EYS: variants seen among roughly 807,000 people sequenced by gnomAD.
The protein encoded by EYS is protein eyes shut homolog.
In EYS, 250 loss-of-function variants were observed where a neutral mutation model predicts 282.1. The observed-to-expected ratio is 0.89, with a 90% confidence interval of 0.80 to 0.98. The LOEUF (loss-of-function observed/expected upper bound fraction) is 0.98. Ranked by LOEUF, EYS falls within the 50% of genes least tolerant of loss-of-function variation. The pLI, the probability that EYS is intolerant of heterozygous loss-of-function variation, is 0.00. For missense variants in EYS, 4,016 were observed against 3,709.0 expected, an observed-to-expected ratio of 1.08 and a Z score of -2.15; for synonymous variants, 1,355 against 1,282.9, an observed-to-expected ratio of 1.06 and a Z score of -1.20.
chr6:65,195,606 T>A (rs1260137099), intron 12 of EYS, among the ~76,000 whole-genome samples: 1 of 151,966 alleles, frequency 6.6e-6, no homozygotes. Flanking sequence ...AGAACATTAT[T>A]CTTACTAGAT....
chr6:65,399,741 A>G (rs1766421533), intron 7 of EYS, among the ~76,000 whole-genome samples: 1 of 150,966 alleles, frequency 6.6e-6, no homozygotes, highest in Non-Finnish European at 1.5e-5. Flanking sequence ...ATCCTAACTC[A>G]AACAGACTAA....
intron 12 of EYS, among the ~76,000 whole-genome samples, chr6:65,068,900 T>C (rs762734345): frequency 3.9e-5 from 6 of 152,070 alleles, no homozygotes; most frequent in Non-Finnish European, 8.8e-5. Context: ...TACCTTAGTA[T>C]ACTTTTAAAT....
rs1484912447 is a variant in EYS at position 64,590,585 on chromosome 6, T to A, written c.5282A>T (p.Tyr1761Phe). 7 of 1,551,206 alleles carry A rather than the reference T, an allele frequency of 4.5e-6. No individual in the cohort carries two copies. Among genetic ancestry groups the A allele is most frequent in the Non-Finnish European group, 6.1e-6 (7 of 1,146,756 alleles). The change falls in exon 26 of 43, where the codon TAT becomes TTT. Residue 1761 changes from tyrosine (Y) to phenylalanine (F), a missense_variant. Tyr to Phe is a conservative substitution (Grantham distance 22). Transcript: ENST00000503581. ...GTCATTTGCATGTGTAATTTCTGAA[T>A]ATGTCTTTAAAGTAACATCCGGATA... ...QIYPDVTLKT[Y>F]SEITHANDFK...
intron 15 of EYS, among the ~76,000 whole-genome samples, chr6:64,942,116 A>G (rs1361873024): frequency 6.6e-6 from 1 of 152,096 alleles, no homozygotes; most frequent in Non-Finnish European, 1.5e-5. Context: ...CCTTATCAGC[A>G]TCTGTTGGTT....
At chr6:64,740,831 A>G (rs1341981866) in intron 22 of EYS, among the ~76,000 whole-genome samples, 1 of 151,252 alleles carries the variant, frequency 6.6e-6, no homozygotes, top group Non-Finnish European at 1.5e-5. Context: ...CTCCTGCCTC[A>G]GCCTCCTGAG....
intron 29 of EYS, among the ~76,000 whole-genome samples, chr6:64,347,835 T>C (rs1317446364): frequency 6.6e-6 from 1 of 151,388 alleles, no homozygotes; most frequent in Non-Finnish European, 1.5e-5. Context: ...ATCTTCTTTA[T>C]AGCACTTCTC....
At chr6:64,117,707 T>C (rs1352140704) in intron 31 of EYS, among the ~76,000 whole-genome samples, 2 of 151,616 alleles carry the variant, frequency 1.3e-5, no homozygotes, top group African/African-American at 2.4e-5. Context: ...GCCAGAGCAA[T>C]TGCACAAGAG....
At chr6:64,933,490 C>G (rs1768798358) in intron 15 of EYS, among the ~76,000 whole-genome samples, 1 of 152,084 alleles carries the variant, frequency 6.6e-6, no homozygotes, top group Non-Finnish European at 1.5e-5. Context: ...ACAACAGATG[C>G]TGGAGAGGAT....
intron 1 of EYS, among the ~76,000 whole-genome samples, chr6:65,664,261 T>C (rs916811423): frequency 2.6e-5 from 4 of 151,962 alleles, no homozygotes; most frequent in Non-Finnish European, 4.4e-5. Flanking sequence ...AAACGTTCAG[T>C]CTCAAATGGT....
At chr6:65,371,359 C>T (rs2150341751) in intron 8 of EYS, among the ~76,000 whole-genome samples, 1 of 151,628 alleles carries the variant, frequency 6.6e-6, no homozygotes, top group Non-Finnish European at 1.5e-5. Flanking sequence ...GTGGAGGTCC[C>T]TAGTACCAAC....
chr6:65,238,721 C>T lies in EYS; in HGVS notation c.2023+57142G>A, dbSNP rs966709985. On this transcript the variant is annotated intron_variant, in intron 12 of 42. Transcript: ENST00000503581. The stretch of plus-strand genomic sequence containing the variant: ...AAGAAAATTAAAATTCAGAGCAAAA[C>T]CTTTCCATATATTGCTGGTTTTAAA... Among the ~76,000 whole-genome samples, 3 of 151,854 alleles carry T rather than the reference C, an allele frequency of 2.0e-5. No homozygotes were observed. In the South Asian group the frequency reaches 6.2e-4, roughly 31 times the overall value.
intron 33 of EYS, among the ~76,000 whole-genome samples, chr6:64,010,837 A>G (rs1768586216): frequency 6.6e-6 from 1 of 152,162 alleles, no homozygotes; most frequent in South Asian, 2.1e-4. Flanking sequence ...CCATTCACAG[A>G]GCTGACAGAC....
chr6:64,698,269 G>A (rs1338881849), intron 22 of EYS, among the ~76,000 whole-genome samples: 2 of 151,796 alleles, frequency 1.3e-5, no homozygotes, highest in African/African-American at 4.8e-5. Context: ...TTACCTCAAT[G>A]AACTAAAAAA....
At chr6:65,584,549 T>G (rs1204369848) in intron 2 of EYS, among the ~76,000 whole-genome samples, 3 of 151,984 alleles carry the variant, frequency 2.0e-5, no homozygotes, top group African/African-American at 7.2e-5. Context: ...ATTTGAAGAA[T>G]TAGTAACTTT....
At position 64,867,264 on chromosome 6, in the gene EYS, T is replaced by C. The variant is rs534300414; in HGVS notation, c.2992+19433A>G. 4.6e-5 allele frequency among the ~76,000 whole-genome samples: 7 copies of C among 151,904 alleles called. 1 individual carries two copies. Among genetic ancestry groups the C allele is most frequent in the African/African-American group, 1.7e-4 (7 of 41,542 alleles). On this transcript the variant is annotated intron_variant, in intron 19 of 42. Coordinates refer to ENST00000503581, the MANE Select transcript of EYS (RefSeq NM_001142800.2). The stretch of plus-strand genomic sequence containing the variant: ...ATTTTAGTTTTCTACAGATGAATTA[T>C]GTTTCAGAAAATGCCAAACCTGAAT...
At chr6:63,879,747 G>T (rs1773077801) in intron 35 of EYS, among the ~76,000 whole-genome samples, 1 of 152,132 alleles carries the variant, frequency 6.6e-6, no homozygotes, top group Non-Finnish European at 1.5e-5. Flanking sequence ...AAGTATTTCA[G>T]CTCGTTTCCA....
At chr6:64,467,694 T>C (rs560455455) in intron 26 of EYS, among the ~76,000 whole-genome samples, 1 of 152,190 alleles carries the variant, frequency 6.6e-6, no homozygotes, top group South Asian at 2.1e-4. Flanking sequence ...CTTGTGTACA[T>C]TACTGGGGAC....
intron 15 of EYS, among the ~76,000 whole-genome samples, chr6:64,919,589 CA>C (rs1392831702): frequency 2.0e-5 from 3 of 151,778 alleles, no homozygotes; most frequent in Non-Finnish European, 2.9e-5. Flanking sequence ...TATTTATACA[CA>C]TAATTTATAA....
chr6:64,554,104 TA>T (rs1208807026), intron 26 of EYS, among the ~76,000 whole-genome samples: 2 of 152,160 alleles, frequency 1.3e-5, no homozygotes, highest in African/African-American at 2.4e-5. Context: ...AGGTTCAATT[TA>T]ATTATCATAT....
Sources: gnomAD v4.1 joint callset for allele counts (sites outside exome capture counted in the v4.1 genomes callset) on GRCh38, gnomAD v4.1.1 for gene constraint, MANE v1.5 for transcripts, NCBI Gene and HGNC (gene_info 2026-07-23, HGNC 2026-07-21) for gene names.